EPB41L1: variants seen among roughly 807,000 people sequenced by gnomAD.
The protein encoded by EPB41L1 is band 4.1-like protein 1.
Under a neutral mutation model 97.8 loss-of-function variants are expected in EPB41L1, and 29 were observed. That is an observed-to-expected ratio of 0.30 (90% CI 0.22 to 0.40). The LOEUF is 0.40. EPB41L1 is among the 10% of genes least tolerant of loss of function. The pLI, the probability that EPB41L1 is intolerant of heterozygous loss-of-function variation, is 1.00. For synonymous variants in EPB41L1, 383 were observed against 459.2 expected (o/e 0.83, Z 2.12); for missense variants, 812 against 1,162.3 (o/e 0.70, Z 4.38).
In EPB41L1 at chr20:36,222,311, C is replaced by T. The variant is rs2063829161; in HGVS notation, c.2554C>T (p.Gln852Ter). The change falls in exon 21 of 22, where the codon CAG becomes TAG. Residue 852 changes from glutamine to a stop codon, truncating the protein, a stop_gained. Coordinates refer to ENST00000338074, the MANE Select transcript of EPB41L1 (RefSeq NM_012156.2). LOFTEE classifies it high-confidence loss of function. ...TTTGGCCATCAAGGAGGCCAAACTGCAGCATCCTGATATGCTGGTAACCAA... is the reference window on the plus strand; with the variant it reads ...TTTGGCCATCAAGGAGGCCAAACTGTAGCATCCTGATATGCTGGTAACCAA... The part of the protein sequence containing the change: ...LALAIKEAKL[Q>*]HPDMLVTKAV... 1 of 1,614,040 alleles carries T rather than the reference C, an allele frequency of 6.2e-7. No homozygotes were observed. The highest frequency in any genetic ancestry group is 1.3e-5 in the African/African-American group (1 of 74,914).
At chr20:36,135,543 A>G (rs1023364030) in intron 2 of EPB41L1, among the ~76,000 whole-genome samples, 2 of 152,308 alleles carry the variant, frequency 1.3e-5, no homozygotes, top group Admixed American at 1.3e-4. Flanking sequence ...AATACCTGCC[A>G]GTTGGGATTG....
intron 5 of EPB41L1, among the ~76,000 whole-genome samples, chr20:36,181,967 A>C (rs1008591073): frequency 2.0e-5 from 3 of 152,132 alleles, no homozygotes; most frequent in Non-Finnish European, 4.4e-5. Context: ...GGACTTACTC[A>C]TGGGGTTGTG....
At chr20:36,164,779 A>G (rs1271744520) in intron 1 of EPB41L1, among the ~76,000 whole-genome samples, 1 of 151,938 alleles carries the variant, frequency 6.6e-6, no homozygotes, top group East Asian at 1.9e-4. Context: ...TCTGCTGCCG[A>G]GGTTCAAGCA....
rs2061886965 is a variant in EPB41L1, at chr20:36,190,227, G to A, written c.1027-50G>A. 7.1e-7 allele frequency: 1 copy of A among 1,414,180 alleles called. No homozygotes were observed. Among genetic ancestry groups the A allele is most frequent in the African/African-American group, 1.4e-5 (1 of 70,924 alleles). 87.6% of individuals were successfully genotyped at this position (1,414,180 alleles called of 1,614,324 possible). ...AAAAAACACAAAGAATGGGCTAGTG[G>A]CGAGAGTGAGCTCAGGCCCTGCCTC... On this transcript the variant is annotated intron_variant, in intron 9 of 21. Coordinates refer to ENST00000338074, the MANE Select transcript of EPB41L1 (RefSeq NM_012156.2). The surrounding 1 kb of genome is among the most constrained non-coding windows in gnomAD (Gnocchi z 5.8).
At position 36,195,584 on chromosome 20, in the gene EPB41L1, C is replaced by T. The variant is rs775624169; in HGVS notation, c.1485+220C>T. ...CCCTTCTTAGACTCTCCTGGCCAATCGGCCATCTCTCCCTCCTCCCTCAGC... is the reference window on the plus strand; with the variant it reads ...CCCTTCTTAGACTCTCCTGGCCAATTGGCCATCTCTCCCTCCTCCCTCAGC... On this transcript the variant is annotated intron_variant, in intron 13 of 21. Transcript: ENST00000338074. This position sits in a 1 kb window ranked among gnomAD's most constrained non-coding sequence, Gnocchi z 4.6. 2.0e-5 allele frequency among the ~76,000 whole-genome samples: 3 copies of T among 152,198 alleles called. No individual in the cohort carries two copies. The highest frequency in any genetic ancestry group is 2.4e-5 in the African/African-American group (1 of 41,438).
chr20:36,158,889 G>T (rs1011146034), intron 1 of EPB41L1, among the ~76,000 whole-genome samples: 9 of 152,280 alleles, frequency 5.9e-5, no homozygotes, highest in African/African-American at 2.2e-4. Flanking sequence ...GACGTGAGCC[G>T]GGATGCTCTA....
chr20:36,211,273 A>G (rs1331401874), intron 15 of EPB41L1, among the ~76,000 whole-genome samples: 1 of 151,654 alleles, frequency 6.6e-6, no homozygotes, highest in Non-Finnish European at 1.5e-5. Context: ...TGTAATCCCA[A>G]CTACTCGGGA....
At chr20:36,219,017 T>G (rs527858507) in intron 18 of EPB41L1, 55 bp downstream of exon 18, 2 of 1,564,692 alleles carry the variant, frequency 1.3e-6, no homozygotes, top group Admixed American at 1.7e-5. Context: ...AATATGGGCA[T>G]GGACCCATGT....
chr20:36,194,088 A>C, intron 11 of EPB41L1, 124 bp from the exon 12 acceptor site: 1 of 1,297,038 alleles, frequency 7.7e-7, no homozygotes, highest in Non-Finnish European at 1.1e-6. Flanking sequence ...CCTCTGGGCA[A>C]TGGGTGAGGG....
At chr20:36,156,953 C>G (rs1027519116) in intron 1 of EPB41L1, among the ~76,000 whole-genome samples, 8 of 152,140 alleles carry the variant, frequency 5.3e-5, no homozygotes, top group African/African-American at 1.9e-4. Context: ...CAGGCGTGCG[C>G]CATTGCGCAC....
At chr20:36,154,236 C>T (rs963556278), upstream of EPB41L1, among the ~76,000 whole-genome samples, 1 of 152,092 alleles carries the variant, frequency 6.6e-6, no homozygotes, top group African/African-American at 2.4e-5. The surrounding 1 kb of genome is among the most constrained non-coding windows in gnomAD (Gnocchi z 5.5). Flanking sequence ...TGAGGGGATC[C>T]GGCTCCGGTG....
chr20:36,143,135 GTT>G (rs1491286720), intron 2 of EPB41L1, among the ~76,000 whole-genome samples: 79 of 127,332 alleles, frequency 6.2e-4, no homozygotes, highest in Non-Finnish European at 1.1e-3. Flanking sequence ...GGGAGGGTGT[GTT>G]TGTGTGTGTG....
chr20:36,096,502 A>C (rs2057837120), intron 1 of EPB41L1, among the ~76,000 whole-genome samples: 1 of 152,202 alleles, frequency 6.6e-6, no homozygotes, highest in South Asian at 2.1e-4. Context: ...TCTAGGCACC[A>C]TGAGCTCTTT....
intron 1 of EPB41L1, among the ~76,000 whole-genome samples, chr20:36,172,136 C>T (rs1254613678): frequency 6.6e-6 from 1 of 152,214 alleles, no homozygotes; most frequent in African/African-American, 2.4e-5. Flanking sequence ...ATCACCCAGG[C>T]TGGAGTGCAG....
intron 1 of EPB41L1, among the ~76,000 whole-genome samples, chr20:36,159,691 CAT>C (rs2060453292): frequency 6.6e-6 from 1 of 152,204 alleles, no homozygotes; most frequent in Non-Finnish European, 1.5e-5. Flanking sequence ...AGTTGTAAGA[CAT>C]AGTGCCTGCC....
At chr20:36,171,157 A>C (rs1196482021) in intron 1 of EPB41L1, among the ~76,000 whole-genome samples, 2 of 151,212 alleles carry the variant, frequency 1.3e-5, no homozygotes, top group Non-Finnish European at 2.9e-5. Flanking sequence ...CTTTTTAAGC[A>C]AAATTAAGTA....
intron 2 of EPB41L1, among the ~76,000 whole-genome samples, chr20:36,141,934 C>G (rs2059654143): frequency 6.6e-6 from 1 of 151,430 alleles, no homozygotes; most frequent in South Asian, 2.1e-4. Context: ...ATGGTGAAAC[C>G]CTGTCTCTTC....
intron 2 of EPB41L1, among the ~76,000 whole-genome samples, chr20:36,138,616 G>C (rs570591358): frequency 6.6e-6 from 1 of 152,244 alleles, no homozygotes; most frequent in South Asian, 2.1e-4. Context: ...CCAGGAACTG[G>C]GTTAATGATT....
intron 1 of EPB41L1, among the ~76,000 whole-genome samples, chr20:36,107,205 A>G (rs1464738203): frequency 6.7e-6 from 1 of 148,876 alleles, no homozygotes; most frequent in Non-Finnish European, 1.5e-5. Context: ...AGATTTGAGA[A>G]TATACCTTTT....
Sources: allele counts gnomAD v4.1 joint callset (sites outside exome capture counted in the v4.1 genomes callset), GRCh38; gene constraint gnomAD v4.1.1; non-coding constraint Gnocchi (gnomAD v3.1); transcripts MANE v1.5; gene names NCBI Gene and HGNC (gene_info 2026-07-23, HGNC 2026-07-21).